The following DCAF8 variants were observed in gnomAD, a reference collection of about 807,000 sequenced individuals.
The protein encoded by DCAF8 is DDB1- and CUL4-associated factor 8.
In DCAF8, 20 loss-of-function variants were observed where a neutral mutation model predicts 68.0. The observed-to-expected ratio is 0.29, with a 90% confidence interval of 0.21 to 0.43. DCAF8 has a LOEUF of 0.43. DCAF8 is among the 20% of genes least tolerant of loss of function. DCAF8 has a pLI of 1.00. For synonymous variants in DCAF8, 230 were observed against 276.9 expected (o/e 0.83, Z 1.68); for missense variants, 460 against 771.0 (o/e 0.60, Z 4.78).
intron 10 of DCAF8, among the ~76,000 whole-genome samples, chr1:160,223,840 G>A (rs1439829712): frequency 2.0e-5 from 3 of 152,222 alleles, no homozygotes; most frequent in Non-Finnish European, 2.9e-5. Context: ...TGAGGCTGCA[G>A]TGCCTGGGAG....
At chr1:160,251,148 A>C (rs951558881) in intron 2 of DCAF8, among the ~76,000 whole-genome samples, 1 of 152,212 alleles carries the variant, frequency 6.6e-6, no homozygotes, top group Admixed American at 6.5e-5. Context: ...CTGAAAGAAG[A>C]AGGTGATAAG....
At position 160,253,474 on chromosome 1, in the gene DCAF8, C is replaced by G. The variant is rs571630242; in HGVS notation, c.-27+7811G>C. On this transcript the variant is annotated intron_variant, in intron 2 of 13. Coordinates refer to ENST00000368074, the MANE Select transcript of DCAF8 (RefSeq NM_015726.4). ...ACAAGCCTGGCCAACATGGTGAAAC[C>G]CTGTCTCTACTAAAAATACAAAAAT... is the stretch of plus-strand genomic sequence containing the variant. Among the ~76,000 whole-genome samples, 3 of 151,584 alleles carry G rather than the reference C, an allele frequency of 2.0e-5. No individual in the cohort carries two copies. The South Asian group carries it at 6.3e-4, about 32-fold the overall frequency.
chr1:160,242,475 A>G (rs1656156737), intron 3 of DCAF8, among the ~76,000 whole-genome samples: 1 of 152,200 alleles, frequency 6.6e-6, no homozygotes, highest in Non-Finnish European at 1.5e-5. Context: ...TGTAGAAAAG[A>G]AAAAATAAAA....
chr1:160,229,002 C>T (rs1655573468), intron 7 of DCAF8, among the ~76,000 whole-genome samples: 2 of 152,088 alleles, frequency 1.3e-5, no homozygotes, highest in Non-Finnish European at 2.9e-5. Context: ...ATCAGCGTGC[C>T]TCAAAATCTT....
Position 160,218,924 on chromosome 1 carries a change from G to A in DCAF8, c.1485C>T (p.Thr495=), listed in dbSNP as rs556364581. 6.2e-7 allele frequency: 1 copy of A among 1,614,234 alleles called. No individual in the cohort carries two copies. The highest frequency in any genetic ancestry group is 1.3e-5 in the African/African-American group (1 of 75,060). Residue 495 remains threonine (T), a synonymous_variant, in exon 12 of 14, where the codon ACC becomes ACT. Coordinates refer to ENST00000368074, the MANE Select transcript of DCAF8 (RefSeq NM_015726.4). The part of the protein sequence containing the change: ...EPHPHLPVLA[T]SGLDHDVKIW... Reference sequence around the variant, plus strand: ...TCTTCACATCATGGTCTAGGCCACTGGTTGCCAGCACAGGCAGGTGAGGGT... The same window carrying A: ...TCTTCACATCATGGTCTAGGCCACTAGTTGCCAGCACAGGCAGGTGAGGGT...
intron 13 of DCAF8, 56 bp downstream of exon 13, chr1:160,218,268 T>C: frequency 1.4e-6 from 2 of 1,407,896 alleles, no homozygotes; most frequent in Non-Finnish European, 2.0e-6. Flanking sequence ...TCTGGAACTT[T>C]TTAGCCCTCT....
intron 7 of DCAF8, among the ~76,000 whole-genome samples, 181 bp from the exon 8 acceptor site, chr1:160,225,844 TA>T (rs1490832182): frequency 1.3e-5 from 2 of 152,156 alleles, no homozygotes; most frequent in Admixed American, 6.5e-5. Context: ...TTCCAAACCC[TA>T]AATCTTTTGT....
intron 7 of DCAF8, among the ~76,000 whole-genome samples, chr1:160,227,246 GAGA>G (rs1655507002): frequency 1.3e-5 from 2 of 152,318 alleles, no homozygotes; most frequent in Admixed American, 1.3e-4. Context: ...ACATCAAGGA[GAGA>G]AGGTGCTTCA....
chr1:160,260,506 A>T (rs1319070211), intron 2 of DCAF8, among the ~76,000 whole-genome samples: 1 of 152,172 alleles, frequency 6.6e-6, no homozygotes, highest in Non-Finnish European at 1.5e-5. Flanking sequence ...GGAATTGGCC[A>T]GGCCTACCTT....
intron 1 of DCAF8, chr1:160,261,924 T>C (rs1657109797): frequency 6.2e-6 from 1 of 160,780 alleles, no homozygotes; most frequent in African/African-American, 2.4e-5. Flanking sequence ...CCGTACAAGG[T>C]GCTGGGCCTG....
rs758971324 is a variant in DCAF8 at position 160,239,730 on chromosome 1, G to T, written c.690C>A (p.Asp230Glu). 5 of 1,614,094 alleles carry T rather than the reference G, an allele frequency of 3.1e-6. No homozygotes were observed. The highest frequency in any genetic ancestry group is 1.7e-5 in the Admixed American group (1 of 60,010). ...WDWVRRQPVL[D>E]FESGHKSNVF... ...CATTACTTTTGTGGCCACTCTCAAA[G>T]TCCAGTACTGGCTGCCGCCGTACCC... Residue 230 changes from aspartate to glutamate, a missense_variant, in exon 4 of 14, where the codon GAC becomes GAA. By Grantham distance (45) the Asp-to-Glu change is conservative. This residue lies in a region of DCAF8 where 170 missense variants were observed against 318.2 expected (regional missense o/e 0.53). Transcript: ENST00000368074.
chr1:160,241,106 C>T (rs1192888472), intron 3 of DCAF8, among the ~76,000 whole-genome samples: 1 of 152,080 alleles, frequency 6.6e-6, no homozygotes, highest in Non-Finnish European at 1.5e-5. Context: ...GAGCCAAAGT[C>T]GCACCACTGC....
intron 7 of DCAF8, among the ~76,000 whole-genome samples, 167 bp from the exon 8 acceptor site, chr1:160,225,830 C>G (rs1221397888): frequency 6.6e-6 from 1 of 152,156 alleles, no homozygotes; most frequent in Non-Finnish European, 1.5e-5. Context: ...CTTTTCCAAT[C>G]CATTTCCAAA....
At chr1:160,225,726 T>G in intron 7 of DCAF8, 63 bp from the exon 8 acceptor site, 1 of 1,354,480 alleles carries the variant, frequency 7.4e-7, no homozygotes, top group South Asian at 1.2e-5. Flanking sequence ...AGAGCTGCAA[T>G]TTGATGTAGT....
intron 10 of DCAF8, 110 bp from the exon 11 acceptor site, chr1:160,222,891 G>T: frequency 1.4e-6 from 2 of 1,451,802 alleles, no homozygotes; most frequent in Admixed American, 1.9e-5. Flanking sequence ...GCTAGATTAT[G>T]CATGTTTAAC....
At chr1:160,239,591 G>A in intron 4 of DCAF8, 106 bp downstream of exon 4, 3 of 1,609,892 alleles carry the variant, frequency 1.9e-6, no homozygotes, top group South Asian at 1.1e-5. Context: ...GTCCCGATAT[G>A]TAATTCCTAC....
chr1:160,235,063 T>C (rs934351859), intron 6 of DCAF8, among the ~76,000 whole-genome samples: 3 of 152,222 alleles, frequency 2.0e-5, no homozygotes, highest in African/African-American at 7.2e-5. Context: ...ATTTATATTT[T>C]ACTTATGTCC....
chr1:160,228,632 G>T (rs1655559958), intron 7 of DCAF8, among the ~76,000 whole-genome samples: 1 of 141,782 alleles, frequency 7.1e-6, no homozygotes, highest in African/African-American at 2.6e-5. Flanking sequence ...TTTGGCCACA[G>T]GCCAAAAAGC....
chr1:160,241,560 G>C (rs1441587484), intron 3 of DCAF8, among the ~76,000 whole-genome samples: 2 of 152,184 alleles, frequency 1.3e-5, no homozygotes, highest in African/African-American at 4.8e-5. Flanking sequence ...CAACAGTCAA[G>C]TCAATTCCAA....
Sources: gnomAD v4.1 joint callset for allele counts (sites outside exome capture counted in the v4.1 genomes callset) on GRCh38, gnomAD v4.1.1 for gene constraint, gnomAD v4.1.1 regional missense constraint, MANE v1.5 for transcripts, NCBI Gene and HGNC (gene_info 2026-07-23, HGNC 2026-07-21) for gene names.